Variants in CSMD1 observed in about 807,000 individuals in gnomAD.
CSMD1 encodes CUB and sushi domain-containing protein 1.
CSMD1 carries 213 observed loss-of-function variants against 417.5 expected under a neutral mutation model. The ratio of observed to expected loss-of-function variants is 0.51; its 90% CI spans 0.46 to 0.57. CSMD1 has a LOEUF of 0.57. CSMD1 is among the 20% of genes least tolerant of loss of function. The pLI is 0.00. For missense variants in CSMD1, 6,923 were observed against 4,529.7 expected, an observed-to-expected ratio of 1.53 and a Z score of -15.17; for synonymous variants, 2,862 against 1,736.8, an observed-to-expected ratio of 1.65 and a Z score of -16.11.
intron 2 of CSMD1, among the ~76,000 whole-genome samples, chr8:4,586,874 T>A (rs750543075): frequency 6.6e-6 from 1 of 152,234 alleles, no homozygotes; most frequent in African/African-American, 2.4e-5. Flanking sequence ...ATCCAGTATC[T>A]GGCATAGTAT....
chr8:4,687,650 C>T (rs541308700), intron 1 of CSMD1, among the ~76,000 whole-genome samples: 16 of 152,136 alleles, frequency 1.1e-4, no homozygotes, highest in African/African-American at 3.1e-4. Context: ...CAGCTAAATC[C>T]GTGAAGGCTT....
chr8:4,597,407 C>A (rs542000353), intron 2 of CSMD1, among the ~76,000 whole-genome samples: 1 of 152,150 alleles, frequency 6.6e-6, no homozygotes, highest in East Asian at 1.9e-4. Flanking sequence ...GTTAAATATC[C>A]ATCCCCAAAT....
chr8:4,359,339 A>G (rs1168758263), intron 3 of CSMD1, among the ~76,000 whole-genome samples: 7 of 152,256 alleles, frequency 4.6e-5, no homozygotes, highest in African/African-American at 1.2e-4. Context: ...TAGGTACAAC[A>G]TATCTAAACA....
chr8:2,960,295 G>A (rs1351190695), intron 62 of CSMD1, among the ~76,000 whole-genome samples: 2 of 152,240 alleles, frequency 1.3e-5, no homozygotes, highest in African/African-American at 2.4e-5. Context: ...GACTTCCCCT[G>A]TGGGATGCAA....
chr8:4,865,039 A>G lies in CSMD1; in HGVS notation c.85+129293T>C, dbSNP rs139413808. Among the ~76,000 whole-genome samples, 112 of 151,516 alleles carry G rather than the reference A, an allele frequency of 7.4e-4. No homozygotes were observed. The East Asian group carries it at 0.014, about 19-fold the overall frequency. ...AAAATTTTATTTTTGTGTTTGCTTTATTTTTTAAATTTTTATTTCAATAGG... is the reference window on the plus strand; with the variant it reads ...AAAATTTTATTTTTGTGTTTGCTTTGTTTTTTAAATTTTTATTTCAATAGG... On this transcript the variant is annotated intron_variant, in intron 1 of 69. Coordinates refer to ENST00000635120, the MANE Select transcript of CSMD1 (RefSeq NM_033225.6).
Position 3,790,792 on chromosome 8 carries a change from G to A in CSMD1, c.819-36750C>T, listed in dbSNP as rs77587090. 0.011 allele frequency among the ~76,000 whole-genome samples: 1,681 copies of A among 152,170 alleles called. 75 individuals are homozygous for A. In the East Asian group the frequency reaches 0.13, roughly 12 times the overall value. On this transcript the variant is annotated intron_variant, in intron 5 of 69. Coordinates refer to ENST00000635120, the MANE Select transcript of CSMD1 (RefSeq NM_033225.6). ...TGAGTATAGTGAGTTTGGGGTTTTT[G>A]CAACATTGAGGTCGATAATGGGACC...
chr8:3,980,491 C>G (rs898469175), intron 5 of CSMD1, among the ~76,000 whole-genome samples: 2 of 152,108 alleles, frequency 1.3e-5, no homozygotes, highest in Non-Finnish European at 2.9e-5. Context: ...TCACAATTCA[C>G]TCTGCTCGTC....
At chr8:3,810,838 G>A (rs761275215) in intron 5 of CSMD1, among the ~76,000 whole-genome samples, 1 of 152,114 alleles carries the variant, frequency 6.6e-6, no homozygotes, top group Non-Finnish European at 1.5e-5. Flanking sequence ...TTCAAAGATG[G>A]GGCCATTGAT....
intron 9 of CSMD1, among the ~76,000 whole-genome samples, chr8:3,580,487 C>T (rs1262879056): frequency 2.0e-5 from 3 of 152,124 alleles, no homozygotes; most frequent in East Asian, 1.9e-4. Context: ...GTAAATAGCA[C>T]CAACTTAAGG....
At chr8:4,227,205 C>A (rs971697957) in intron 3 of CSMD1, among the ~76,000 whole-genome samples, 2 of 152,166 alleles carry the variant, frequency 1.3e-5, no homozygotes, top group East Asian at 3.9e-4. Context: ...TTAAGTCAAA[C>A]TGAAAGTACT....
At chr8:3,236,041 C>T (rs1034482212) in intron 26 of CSMD1, among the ~76,000 whole-genome samples, 6 of 150,296 alleles carry the variant, frequency 4.0e-5, no homozygotes, top group African/African-American at 1.2e-4. Flanking sequence ...CCTCAGTCTC[C>T]GGAGTAGCTG....
intron 3 of CSMD1, among the ~76,000 whole-genome samples, chr8:4,043,728 T>G (rs1163425875): frequency 6.6e-6 from 1 of 152,198 alleles, no homozygotes; most frequent in Non-Finnish European, 1.5e-5. Context: ...ATAAGATTTA[T>G]TACTAATAGA....
intron 1 of CSMD1, among the ~76,000 whole-genome samples, chr8:4,668,461 A>G (rs2130939927): frequency 7.0e-6 from 1 of 142,246 alleles, no homozygotes; most frequent in South Asian, 2.2e-4. Flanking sequence ...TATTATTATT[A>G]TTATTTGAGA....
chr8:4,793,905 G>C (rs1161947585), intron 1 of CSMD1, among the ~76,000 whole-genome samples: 1 of 151,504 alleles, frequency 6.6e-6, no homozygotes, highest in East Asian at 1.9e-4. Flanking sequence ...CATGTCTGAT[G>C]AATAAAAATG....
chr8:4,820,955 C>T (rs4875390), intron 1 of CSMD1, among the ~76,000 whole-genome samples: 10,880 of 152,168 alleles, frequency 0.071, 609 homozygotes, highest in East Asian at 0.24. Context: ...TCAAGCTTTA[C>T]TTTCGTAGTG....
chr8:3,701,343 A>T (rs563671340), intron 7 of CSMD1, among the ~76,000 whole-genome samples: 12 of 152,056 alleles, frequency 7.9e-5, no homozygotes, highest in Non-Finnish European at 1.3e-4. Context: ...ATTCATGATA[A>T]TTCATGACTT....
chr8:3,537,327 A>G lies in CSMD1; in HGVS notation c.1344+37618T>C, dbSNP rs577789935. 9.0e-4 allele frequency among the ~76,000 whole-genome samples: 137 copies of G among 152,316 alleles called. 1 individual carries two copies. The highest frequency in any genetic ancestry group is 3.2e-3 in the African/African-American group (133 of 41,576). On this transcript the variant is annotated intron_variant, in intron 10 of 69. Transcript: ENST00000635120. ...CCGCAAACTCTTGCTTATATGACTC[A>G]TATTCCTATCACCTGTATGAGTTTT...
intron 3 of CSMD1, among the ~76,000 whole-genome samples, chr8:4,407,028 C>A (rs1271036421): frequency 6.6e-6 from 1 of 152,148 alleles, no homozygotes; most frequent in Non-Finnish European, 1.5e-5. Context: ...GGTCCCCTGT[C>A]TTGGTAAATA....
At chr8:3,533,169 G>A (rs1267325568) in intron 10 of CSMD1, among the ~76,000 whole-genome samples, 2 of 152,106 alleles carry the variant, frequency 1.3e-5, no homozygotes, top group Non-Finnish European at 2.9e-5. Flanking sequence ...CAAATTCTGT[G>A]CCAAAAATTG....
Sources: gnomAD v4.1 joint callset for allele counts (sites outside exome capture counted in the v4.1 genomes callset) on GRCh38, gnomAD v4.1.1 for gene constraint, MANE v1.5 for transcripts, NCBI Gene and HGNC (gene_info 2026-07-23, HGNC 2026-07-21) for gene names.